LRRTM4: variants seen among roughly 807,000 people sequenced by gnomAD.
LRRTM4 encodes the protein leucine rich repeat transmembrane neuronal 4, also known as leucine-rich repeat transmembrane neuronal protein 4.
A neutral mutation model predicts 47.6 loss-of-function variants in LRRTM4; 25 were observed. That is an observed-to-expected ratio of 0.53 (90% CI 0.38 to 0.73). The LOEUF (loss-of-function observed/expected upper bound fraction) is 0.73, where lower values mean the gene tolerates loss of function less well. Ranked by LOEUF, LRRTM4 falls within the 30% of genes least tolerant of loss-of-function variation. The probability of loss-of-function intolerance (pLI) is 0.00; values close to 1 mark genes in which losing one functional copy is unlikely to be tolerated. For synonymous variants in LRRTM4, 311 were observed against 269.5 expected (o/e 1.15, Z -1.51); for missense variants, 638 against 713.4 (o/e 0.89, Z 1.20).
At chr2:77,019,570 T>TAC (rs1388694964) in intron 3 of LRRTM4, among the ~76,000 whole-genome samples, 2 of 152,134 alleles carry the variant, frequency 1.3e-5, no homozygotes, top group Non-Finnish European at 2.9e-5. Flanking sequence ...CTTAGCACAA[T>TAC]ACCTGGCACA....
At chr2:77,195,905 G>A (rs1208066600) in intron 3 of LRRTM4, among the ~76,000 whole-genome samples, 1 of 152,084 alleles carries the variant, frequency 6.6e-6, no homozygotes, top group Admixed American at 6.6e-5. Context: ...CTTCATAGAA[G>A]AGGTAGTATT....
intron 3 of LRRTM4, among the ~76,000 whole-genome samples, chr2:77,003,401 G>A (rs761631698): frequency 2.6e-5 from 4 of 152,058 alleles, no homozygotes; most frequent in Admixed American, 6.6e-5. Flanking sequence ...TAATCCCCAC[G>A]TGTTGTAGGA....
intron 3 of LRRTM4, among the ~76,000 whole-genome samples, chr2:77,379,047 T>C (rs1672947490): frequency 6.6e-6 from 1 of 152,166 alleles, no homozygotes; most frequent in Non-Finnish European, 1.5e-5. Context: ...ATTATTTTGC[T>C]TTTAATCTTT....
intron 3 of LRRTM4, among the ~76,000 whole-genome samples, chr2:76,839,985 G>C (rs1371021586): frequency 6.6e-6 from 1 of 151,910 alleles, no homozygotes; most frequent in African/African-American, 2.4e-5. Context: ...ATTCAATCTG[G>C]CCCTGAAGAC....
At chr2:77,449,681 G>C (rs1676182527) in intron 3 of LRRTM4, among the ~76,000 whole-genome samples, 1 of 152,208 alleles carries the variant, frequency 6.6e-6, no homozygotes, top group Non-Finnish European at 1.5e-5. Context: ...TGCTGAAAAA[G>C]GTAGCCACTC....
At position 76,807,474 on chromosome 2, in the gene LRRTM4, A is replaced by G. The variant is rs1225483227; in HGVS notation, c.1552-58558T>C. The stretch of plus-strand genomic sequence containing the variant: ...TATATATATACATATATATATACAT[A>G]TATATATATATACATATATATATAT... On this transcript the variant is annotated intron_variant, in intron 3 of 3. Transcript: ENST00000409884. Among the ~76,000 whole-genome samples, 1,144 of 132,546 alleles carry G rather than the reference A, an allele frequency of 8.6e-3. 43 individuals are homozygous for G. Among genetic ancestry groups the G allele is most frequent in the African/African-American group, 0.034 (1,088 of 32,470 alleles). 87.0% of individuals were successfully genotyped at this position (132,546 alleles called of 152,430 possible). A position where few individuals can be genotyped will look rare whatever the true frequency, so the allele number is the denominator to read the frequency against.
intron 3 of LRRTM4, among the ~76,000 whole-genome samples, chr2:77,131,969 T>C (rs1270011719): frequency 2.6e-5 from 4 of 152,224 alleles, no homozygotes; most frequent in African/African-American, 9.6e-5. Flanking sequence ...ATTTAGGGTA[T>C]CCATAACCTC....
intron 3 of LRRTM4, among the ~76,000 whole-genome samples, chr2:76,899,807 A>G (rs1484632564): frequency 6.6e-6 from 1 of 152,232 alleles, no homozygotes; most frequent in Non-Finnish European, 1.5e-5. Context: ...GTAATTCACT[A>G]GATAGTTAGA....
chr2:77,258,530 G>C (rs773019731), intron 3 of LRRTM4, among the ~76,000 whole-genome samples: 58 of 151,890 alleles, frequency 3.8e-4, no homozygotes, highest in Non-Finnish European at 6.5e-4. Context: ...TATAATACCT[G>C]AGAACTCCCT....
At chr2:77,028,423 C>A (rs1013923136) in intron 3 of LRRTM4, among the ~76,000 whole-genome samples, 9 of 152,110 alleles carry the variant, frequency 5.9e-5, no homozygotes, top group African/African-American at 2.4e-5. Context: ...CATTAACACA[C>A]TTCTGGAAAA....
chr2:76,903,380 C>T (rs924441876), intron 3 of LRRTM4, among the ~76,000 whole-genome samples: 1 of 150,388 alleles, frequency 6.6e-6, no homozygotes, highest in Non-Finnish European at 1.5e-5. Context: ...ACTAAAAATA[C>T]AAAAATTTAG....
At chr2:76,816,819 G>GTTGTTT (rs1670910659) in intron 3 of LRRTM4, among the ~76,000 whole-genome samples, 2 of 96,522 alleles carry the variant, frequency 2.1e-5, no homozygotes, top group African/African-American at 6.4e-5. Context: ...GAGGTAAAGA[G>GTTGTTT]TTTTTTTTTT....
intron 3 of LRRTM4, among the ~76,000 whole-genome samples, chr2:77,058,389 G>A (rs1172767124): frequency 1.3e-5 from 2 of 152,118 alleles, no homozygotes; most frequent in Non-Finnish European, 2.9e-5. Flanking sequence ...GGAGTACTTA[G>A]GCAAATGTGA....
intron 3 of LRRTM4, among the ~76,000 whole-genome samples, chr2:77,315,752 C>T (rs1315009094): frequency 6.6e-6 from 1 of 152,016 alleles, no homozygotes; most frequent in Non-Finnish European, 1.5e-5. Context: ...GTTTTACAAC[C>T]CAGGGCTGTC....
chr2:77,155,085 T>G (rs1441177447), intron 3 of LRRTM4, among the ~76,000 whole-genome samples: 1 of 152,156 alleles, frequency 6.6e-6, no homozygotes, highest in African/African-American at 2.4e-5. Flanking sequence ...CAGAGGTCAT[T>G]CTTAACTACT....
At chr2:77,443,467 C>T (rs1425356065) in intron 3 of LRRTM4, among the ~76,000 whole-genome samples, 3 of 152,222 alleles carry the variant, frequency 2.0e-5, no homozygotes, top group South Asian at 4.1e-4. Context: ...AGGCTGTACA[C>T]ATTTTTAGTA....
At chr2:76,878,103 C>T (rs959829104) in intron 3 of LRRTM4, among the ~76,000 whole-genome samples, 3 of 152,052 alleles carry the variant, frequency 2.0e-5, no homozygotes, top group Admixed American at 6.6e-5. Flanking sequence ...GTGATTCTTG[C>T]AATATTTCAA....
intron 3 of LRRTM4, among the ~76,000 whole-genome samples, chr2:77,254,175 C>G (rs941027778): frequency 5.3e-5 from 8 of 151,772 alleles, no homozygotes; most frequent in Admixed American, 2.0e-4. Context: ...GAAATGGTAC[C>G]TTACCTTTAG....
At chr2:77,517,225 A>C (rs1164558012) in intron 3 of LRRTM4, 1 of 984,962 alleles carries the variant, frequency 1.0e-6, no homozygotes, top group African/African-American at 1.7e-5. Context: ...TGATCTTTTA[A>C]ATTAAATAAT....
Sources: gnomAD v4.1 joint callset for allele counts (sites outside exome capture counted in the v4.1 genomes callset) on GRCh38, gnomAD v4.1.1 for gene constraint, MANE v1.5 for transcripts, NCBI Gene and HGNC (gene_info 2026-07-23, HGNC 2026-07-21) for gene names.